CADPS: variants seen among roughly 807,000 people sequenced by gnomAD.
CADPS encodes the protein calcium dependent secretion activator.
In CADPS, 57 loss-of-function variants were observed where a neutral mutation model predicts 167.3. The observed-to-expected ratio is 0.34, with a 90% CI of 0.28 to 0.42. CADPS has a LOEUF of 0.42. Ranked by LOEUF, CADPS falls within the 20% of genes least tolerant of loss-of-function variation. CADPS has a pLI of 1.00. For missense variants in CADPS, 1,414 were observed against 1,738.1 expected (o/e 0.81, Z 3.32); for synonymous variants, 676 against 635.3 (o/e 1.06, Z -0.96).
At chr3:62,626,566 T>C in intron 6 of CADPS, 1 of 702,554 alleles carries the variant, frequency 1.4e-6, no homozygotes, top group African/African-American at 1.7e-5. Context: ...CTGTTTCTCC[T>C]GATTACCCTA....
intron 3 of CADPS, among the ~76,000 whole-genome samples, chr3:62,731,877 C>G (rs2077966983): frequency 1.4e-5 from 2 of 143,054 alleles, no homozygotes; most frequent in South Asian, 4.5e-4. Context: ...GTAATTCGTG[C>G]TGAAAACAAA....
chr3:62,423,997 T>A (rs2052047784), intron 28 of CADPS, among the ~76,000 whole-genome samples: 1 of 152,246 alleles, frequency 6.6e-6, no homozygotes, highest in Non-Finnish European at 1.5e-5. Flanking sequence ...CGTGTTTTCC[T>A]CTTAGGAGAA....
At chr3:62,854,337 T>G (rs969006368) in intron 1 of CADPS, among the ~76,000 whole-genome samples, 3 of 152,238 alleles carry the variant, frequency 2.0e-5, no homozygotes, top group Non-Finnish European at 4.4e-5. Flanking sequence ...AAGCAATCAA[T>G]GTATCTGGTG....
At chr3:62,616,564 C>A (rs1317260227) in intron 6 of CADPS, among the ~76,000 whole-genome samples, 2 of 152,036 alleles carry the variant, frequency 1.3e-5, no homozygotes, top group Non-Finnish European at 2.9e-5. Flanking sequence ...TCCAGGGACC[C>A]CGGCTGGGTC....
intron 3 of CADPS, among the ~76,000 whole-genome samples, chr3:62,729,617 T>C (rs2077378365): frequency 6.6e-6 from 1 of 151,952 alleles, no homozygotes; most frequent in Non-Finnish European, 1.5e-5. Context: ...ATGAAAAGAA[T>C]AAAAGTATTT....
chr3:62,703,852 A>G (rs2081872230), intron 3 of CADPS, among the ~76,000 whole-genome samples: 1 of 152,128 alleles, frequency 6.6e-6, no homozygotes, highest in East Asian at 1.9e-4. Flanking sequence ...GCACATAAAA[A>G]ACAATGTTCA....
At chr3:62,815,763 G>A (rs190006213) in intron 1 of CADPS, among the ~76,000 whole-genome samples, 54 of 152,142 alleles carry the variant, frequency 3.5e-4, no homozygotes, top group Non-Finnish European at 5.7e-4. Flanking sequence ...CTCTGTGTGT[G>A]TGTCTTTCCT....
intron 9 of CADPS, among the ~76,000 whole-genome samples, chr3:62,566,009 T>A (rs1229869425): frequency 6.6e-6 from 1 of 152,234 alleles, no homozygotes; most frequent in East Asian, 1.9e-4. Flanking sequence ...TTTCGTTGTT[T>A]TAAATCTAAT....
chr3:62,588,237 T>A (rs1332794212), intron 7 of CADPS, among the ~76,000 whole-genome samples: 1 of 151,436 alleles, frequency 6.6e-6, no homozygotes. Context: ...AGAATCCCTG[T>A]CCCTGAGACT....
intron 1 of CADPS, among the ~76,000 whole-genome samples, chr3:62,798,708 A>T (rs1009893900): frequency 2.6e-5 from 4 of 152,050 alleles, no homozygotes; most frequent in Admixed American, 1.3e-4. Flanking sequence ...CAATATCCCT[A>T]GGATGTGTTA....
At chr3:62,767,551 C>A (rs2087241990) in intron 1 of CADPS, among the ~76,000 whole-genome samples, 1 of 152,012 alleles carries the variant, frequency 6.6e-6, no homozygotes, top group African/African-American at 2.4e-5. Context: ...CTTTAGGAGA[C>A]ACAAAGCCAG....
At chr3:62,405,854 C>T (rs928282981) in intron 28 of CADPS, among the ~76,000 whole-genome samples, 1 of 152,216 alleles carries the variant, frequency 6.6e-6, no homozygotes, top group Non-Finnish European at 1.5e-5. Flanking sequence ...CAGCACAGTG[C>T]TAACTTGGTT....
At chr3:62,749,192 T>A (rs570378479) in intron 3 of CADPS, among the ~76,000 whole-genome samples, 1 of 152,362 alleles carries the variant, frequency 6.6e-6, no homozygotes, top group East Asian at 1.9e-4. Flanking sequence ...GTTAAGAAAC[T>A]CCGTGGGCAA....
rs540545368 is a variant in CADPS, at chr3:62,709,701, T to C, written c.888+43740A>G. On this transcript the variant is annotated intron_variant, in intron 3 of 29. Coordinates refer to ENST00000383710, the MANE Select transcript of CADPS (RefSeq NM_003716.4). Reference sequence around the variant, plus strand: ...CCTGGAAGCCATAATTTCAACACGCTCCCCAAGTGATTCTGAGGATGGACA... The same window carrying C: ...CCTGGAAGCCATAATTTCAACACGCCCCCCAAGTGATTCTGAGGATGGACA... Among the ~76,000 whole-genome samples the C allele has an allele frequency of 2.8e-3, 419 of 152,226 alleles. 4 individuals are homozygous for C. The highest frequency in any genetic ancestry group is 3.2e-3 in the Non-Finnish European group (218 of 68,016).
At chr3:62,557,015 A>G (rs2078270807) in intron 10 of CADPS, among the ~76,000 whole-genome samples, 1 of 148,078 alleles carries the variant, frequency 6.8e-6, no homozygotes, top group African/African-American at 2.5e-5. Context: ...ACACACACAC[A>G]CACACACACA....
chr3:62,752,545 C>A (rs2082927724), intron 3 of CADPS, among the ~76,000 whole-genome samples: 1 of 152,186 alleles, frequency 6.6e-6, no homozygotes, highest in African/African-American at 2.4e-5. Flanking sequence ...ATTTACTGAG[C>A]ATTCACTCTG....
In CADPS at chr3:62,557,467, G is replaced by A. The variant is rs898296147; in HGVS notation, c.1691C>T (p.Ala564Val). ...CAATTGTAGAAGTTCCTGAGGCTCC[G>A]CTTTCTTCTCCCGATAACTGCACAT... The part of the protein sequence containing the change: ...FAMCSYREKK[A>V]EPQELLQLDG... Residue 564 changes from alanine to valine, a missense_variant, in exon 10 of 30, where the codon GCG (alanine) becomes GTG (valine). This residue lies in a region of CADPS where 157 missense variants were observed against 229.4 expected (regional missense o/e 0.68). Transcript: ENST00000383710. 1.5e-5 allele frequency: 24 copies of A among 1,613,890 alleles called. No homozygotes were observed. The highest frequency in any genetic ancestry group is 5.3e-5 in the African/African-American group (4 of 74,880).
intron 6 of CADPS, among the ~76,000 whole-genome samples, chr3:62,634,198 A>AC (rs761914745): frequency 3.6e-4 from 55 of 152,334 alleles, no homozygotes; most frequent in South Asian, 8.3e-4. Context: ...CCGTTATGAT[A>AC]TAGCCTCATC....
chr3:62,775,517 A>G (rs1285007437), intron 1 of CADPS, among the ~76,000 whole-genome samples: 1 of 152,234 alleles, frequency 6.6e-6, no homozygotes, highest in Non-Finnish European at 1.5e-5. Context: ...AGGTATTAAG[A>G]AACTGTCCAG....
Sources: allele counts gnomAD v4.1 joint callset (sites outside exome capture counted in the v4.1 genomes callset), GRCh38; gene constraint gnomAD v4.1.1; regional missense constraint gnomAD v4.1.1; transcripts MANE v1.5; gene names NCBI Gene and HGNC (gene_info 2026-07-23, HGNC 2026-07-21).